Variants in ADAM22 observed in about 807,000 individuals in gnomAD.
ADAM22 encodes the protein ADAM metallopeptidase domain 22, also known as disintegrin and metalloproteinase domain-containing protein 22.
ADAM22 carries 65 observed loss-of-function variants against 144.6 expected under a neutral mutation model. The observed-to-expected ratio is 0.45, with a 90% CI of 0.37 to 0.55. The LOEUF (loss-of-function observed/expected upper bound fraction) is 0.55, where lower values mean the gene tolerates loss of function less well. Among genes scored for constraint, ADAM22 ranks in the 20% least tolerant of loss-of-function variants. The pLI is 0.00. For missense variants in ADAM22, 974 were observed against 1,184.9 expected (o/e 0.82, Z 2.61); for synonymous variants, 391 against 412.6 (o/e 0.95, Z 0.63).
intron 3 of ADAM22, among the ~76,000 whole-genome samples, chr7:88,017,508 C>T (rs1440981849): frequency 2.6e-5 from 4 of 152,086 alleles, no homozygotes; most frequent in Non-Finnish European, 1.5e-5. Flanking sequence ...GTTTTATTAT[C>T]AATTTGCTAT....
chr7:88,096,478 T>G (rs541030318), intron 4 of ADAM22, among the ~76,000 whole-genome samples: 1 of 151,692 alleles, frequency 6.6e-6, no homozygotes, highest in South Asian at 2.1e-4. Context: ...TACATAGTTT[T>G]TTTTTGCTGT....
At chr7:88,137,370 A>T (rs918236051) in intron 14 of ADAM22, among the ~76,000 whole-genome samples, 1 of 152,026 alleles carries the variant, frequency 6.6e-6, no homozygotes, top group Admixed American at 6.6e-5. Flanking sequence ...CTTCATTTTC[A>T]TTTGCAATCT....
intron 4 of ADAM22, among the ~76,000 whole-genome samples, chr7:88,080,298 C>T (rs186266014): frequency 1.6e-4 from 25 of 152,076 alleles, no homozygotes; most frequent in East Asian, 7.7e-4. Flanking sequence ...TTGAAACCAA[C>T]GAGAACAAAG....
intron 2 of ADAM22, among the ~76,000 whole-genome samples, chr7:87,959,560 T>C (rs1000690295): frequency 6.6e-6 from 1 of 152,194 alleles, no homozygotes; most frequent in Non-Finnish European, 1.5e-5. Context: ...TGCAGGTGTT[T>C]CCAAAAACAT....
chr7:87,971,986 C>T (rs1014409449), intron 2 of ADAM22, among the ~76,000 whole-genome samples: 15 of 152,280 alleles, frequency 9.9e-5, no homozygotes, highest in African/African-American at 2.6e-4. Context: ...GTCAGGAGAT[C>T]GAGACCATCC....
At chr7:87,941,697 G>C (rs1238486311) in intron 2 of ADAM22, among the ~76,000 whole-genome samples, 3 of 151,894 alleles carry the variant, frequency 2.0e-5, no homozygotes, top group Admixed American at 6.6e-5. Flanking sequence ...GTTTCCCTTA[G>C]TCTTGTTTTT....
chr7:87,946,588 C>T (rs894712881), intron 2 of ADAM22, among the ~76,000 whole-genome samples: 3 of 152,194 alleles, frequency 2.0e-5, no homozygotes, highest in Non-Finnish European at 4.4e-5. Flanking sequence ...GCTATCCCAG[C>T]ATTGTTTATT....
At chr7:88,099,040 A>G (rs1421912159) in intron 4 of ADAM22, among the ~76,000 whole-genome samples, 1 of 152,164 alleles carries the variant, frequency 6.6e-6, no homozygotes, top group Admixed American at 6.6e-5. Context: ...TGTATATGAG[A>G]GTTAAGTTAC....
At chr7:88,115,578 C>T (rs767083057) in intron 6 of ADAM22, among the ~76,000 whole-genome samples, 8 of 152,178 alleles carry the variant, frequency 5.3e-5, no homozygotes, top group Non-Finnish European at 8.8e-5. Context: ...ACCAGCTATA[C>T]TGAATAAGGA....
intron 3 of ADAM22, among the ~76,000 whole-genome samples, chr7:88,067,095 A>G (rs1303519556): frequency 6.6e-5 from 10 of 152,062 alleles, no homozygotes; most frequent in Admixed American, 6.6e-4. Flanking sequence ...AAGTCTGGCA[A>G]TTTTACCCTT....
intron 22 of ADAM22, among the ~76,000 whole-genome samples, chr7:88,159,620 G>A (rs1419161372): frequency 6.6e-6 from 1 of 152,044 alleles, no homozygotes; most frequent in Non-Finnish European, 1.5e-5. Flanking sequence ...ATTAGTAAAT[G>A]TGATTTTTCA....
At chr7:88,031,828 C>T (rs1800336905) in intron 3 of ADAM22, among the ~76,000 whole-genome samples, 1 of 152,208 alleles carries the variant, frequency 6.6e-6, no homozygotes, top group South Asian at 2.1e-4. Context: ...CTCCCTCTGT[C>T]CCAGCCACTC....
intron 31 of ADAM22, among the ~76,000 whole-genome samples, chr7:88,193,442 G>T (rs1334659080): frequency 6.6e-6 from 1 of 152,132 alleles, no homozygotes; most frequent in African/African-American, 2.4e-5. Flanking sequence ...TACAGTCTAG[G>T]TACATTTTGT....
chr7:88,060,041 G>A (rs1809359328), intron 3 of ADAM22, among the ~76,000 whole-genome samples: 1 of 151,984 alleles, frequency 6.6e-6, no homozygotes, highest in African/African-American at 2.4e-5. Flanking sequence ...CTATATTATA[G>A]TCTAGTAAGT....
intron 4 of ADAM22, 73 bp downstream of exon 4, chr7:88,075,765 T>C (rs1386699771): frequency 2.7e-6 from 3 of 1,106,422 alleles, no homozygotes; most frequent in Middle Eastern, 2.8e-4. Flanking sequence ...TATTTTAATT[T>C]TCAATGATAT....
intron 29 of ADAM22, chr7:88,186,243 A>G (rs1848289263): frequency 4.3e-6 from 1 of 233,414 alleles, no homozygotes; most frequent in African/African-American, 2.4e-5. Flanking sequence ...AAAAAGCATC[A>G]TTATCATTTA....
At chr7:87,936,220 T>A (rs969385654) in intron 2 of ADAM22, among the ~76,000 whole-genome samples, 1 of 152,236 alleles carries the variant, frequency 6.6e-6, no homozygotes, top group Non-Finnish European at 1.5e-5. Context: ...ACTGTTAACA[T>A]TTTGTTAATA....
chr7:88,002,432 C>T (rs1347918746), intron 3 of ADAM22, among the ~76,000 whole-genome samples: 1 of 152,116 alleles, frequency 6.6e-6, no homozygotes, highest in Non-Finnish European at 1.5e-5. Context: ...TGGAATCCAT[C>T]CCTCCCAAAC....
At chr7:88,161,954 G>A (rs953949651) in intron 22 of ADAM22, among the ~76,000 whole-genome samples, 14 of 151,848 alleles carry the variant, frequency 9.2e-5, no homozygotes, top group African/African-American at 3.4e-4. Flanking sequence ...CCTATTACTG[G>A]GTATAAACCC....
Sources: allele counts gnomAD v4.1 joint callset (sites outside exome capture counted in the v4.1 genomes callset), GRCh38; gene constraint gnomAD v4.1.1; transcripts MANE v1.5; gene names NCBI Gene and HGNC (gene_info 2026-07-23, HGNC 2026-07-21).